The following LRIG1 variants were observed in gnomAD, a reference collection of about 807,000 sequenced individuals.
LRIG1 encodes the protein leucine rich repeats and immunoglobulin like domains 1, also known as leucine-rich repeats and immunoglobulin-like domains protein 1.
In LRIG1, 48 loss-of-function variants were observed where a neutral mutation model predicts 99.2. The observed-to-expected ratio is 0.48, with a 90% CI of 0.38 to 0.62. LRIG1 has a LOEUF of 0.62. LRIG1 is among the 20% of genes least tolerant of loss of function. The probability of loss-of-function intolerance (pLI) is 0.00; values close to 1 mark genes in which losing one functional copy is unlikely to be tolerated. For synonymous variants in LRIG1, 772 were observed against 596.1 expected, an observed-to-expected ratio of 1.29 and a Z score of -4.30; for missense variants, 1,646 against 1,434.4, an observed-to-expected ratio of 1.15 and a Z score of -2.38.
At chr3:66,429,222 T>G (rs144895191) in intron 3 of LRIG1, among the ~76,000 whole-genome samples, 1 of 152,144 alleles carries the variant, frequency 6.6e-6, no homozygotes, top group Non-Finnish European at 1.5e-5. Context: ...GCAGATCCCA[T>G]TTGGTTCTCC....
At chr3:66,488,228 A>AT (rs1701017863) in intron 1 of LRIG1, among the ~76,000 whole-genome samples, 4 of 152,118 alleles carry the variant, frequency 2.6e-5, no homozygotes, top group Admixed American at 2.0e-4. Context: ...AATTTTCAAG[A>AT]TTTTCAAAAA....
intron 4 of LRIG1, among the ~76,000 whole-genome samples, chr3:66,415,714 C>T (rs528349206): frequency 6.6e-6 from 1 of 152,324 alleles, no homozygotes; most frequent in East Asian, 1.9e-4. Context: ...AAAAGGCAGA[C>T]ACCGCTTCTC....
chr3:66,478,595 C>T (rs985515494), intron 1 of LRIG1, among the ~76,000 whole-genome samples: 4 of 152,174 alleles, frequency 2.6e-5, no homozygotes, highest in African/African-American at 9.7e-5. Context: ...AATGCAGATT[C>T]CCAGGCCCTG....
intron 7 of LRIG1, among the ~76,000 whole-genome samples, chr3:66,408,278 C>A (rs1702347785): frequency 6.6e-6 from 1 of 152,188 alleles, no homozygotes; most frequent in Non-Finnish European, 1.5e-5. Context: ...AGCATTCTTT[C>A]CCTCCTGGAC....
intron 3 of LRIG1, among the ~76,000 whole-genome samples, chr3:66,446,057 T>G (rs1703706600): frequency 6.6e-6 from 1 of 152,208 alleles, no homozygotes; most frequent in South Asian, 2.1e-4. Context: ...TTAATTACAC[T>G]TTAATGCGAA....
chr3:66,461,144 C>T (rs892242825), intron 2 of LRIG1, among the ~76,000 whole-genome samples: 3 of 152,050 alleles, frequency 2.0e-5, no homozygotes, highest in Non-Finnish European at 2.9e-5. Context: ...AACACCATCT[C>T]TACTAAAAAA....
intron 11 of LRIG1, among the ~76,000 whole-genome samples, chr3:66,397,022 G>A (rs1344129540): frequency 2.6e-5 from 4 of 152,192 alleles, no homozygotes; most frequent in Non-Finnish European, 5.9e-5. Flanking sequence ...AAGAGGGAAG[G>A]CCCTGGGCAC....
At chr3:66,384,361 G>A in intron 13 of LRIG1, 89 bp from the exon 14 acceptor site, 1 of 1,366,234 alleles carries the variant, frequency 7.3e-7, no homozygotes, top group Non-Finnish European at 1.0e-6. Flanking sequence ...CTGTCACTGT[G>A]CCCAGTGCCA....
intron 7 of LRIG1, 25 bp from the exon 8 acceptor site, chr3:66,407,516 T>A (rs1575667264): frequency 6.2e-7 from 1 of 1,612,838 alleles, no homozygotes. Context: ...GGCAGCAATG[T>A]CACCATCTAG....
chr3:66,432,647 T>C (rs923066123), intron 3 of LRIG1, among the ~76,000 whole-genome samples: 32 of 152,132 alleles, frequency 2.1e-4, no homozygotes, highest in African/African-American at 7.7e-4. Context: ...CAGTAAGCAG[T>C]GCAGTTGGGA....
At chr3:66,456,430 A>T (rs1260942900) in intron 2 of LRIG1, among the ~76,000 whole-genome samples, 2 of 152,082 alleles carry the variant, frequency 1.3e-5, no homozygotes, top group Non-Finnish European at 1.5e-5. Context: ...AAAATTAGCC[A>T]GGAGTGGTTG....
In LRIG1 at chr3:66,500,927, G is replaced by A. The variant is rs1004610399; in HGVS notation, c.-520C>T. On this transcript the variant is annotated 5_prime_UTR_variant, in exon 1 of 19. Coordinates refer to ENST00000273261, the MANE Select transcript of LRIG1 (RefSeq NM_015541.3). ...CCTCGCTGTCCCCACGCCGCGGCCA[G>A]AGAGCGCGCGCGCGCGCGCAGCCTC... is the stretch of plus-strand genomic sequence containing the variant. 3 of 151,588 alleles carry A rather than the reference G, an allele frequency of 2.0e-5. No individual in the cohort carries two copies. Among genetic ancestry groups the A allele is most frequent in the African/African-American group, 4.9e-5 (2 of 41,124 alleles). 9.4% of individuals were successfully genotyped at this position (151,588 alleles called of 1,614,324 possible).
At chr3:66,384,813 T>G (rs866859680) in intron 13 of LRIG1, among the ~76,000 whole-genome samples, 3 of 152,172 alleles carry the variant, frequency 2.0e-5, no homozygotes, top group African/African-American at 7.2e-5. Flanking sequence ...CTTGCTAGCT[T>G]GCTCAGCCTA....
At chr3:66,449,660 C>G (rs965352888) in intron 3 of LRIG1, among the ~76,000 whole-genome samples, 9 of 152,240 alleles carry the variant, frequency 5.9e-5, no homozygotes, top group Non-Finnish European at 1.2e-4. Flanking sequence ...CACGCTCCTG[C>G]CCCGAGTGCA....
At chr3:66,410,084 C>A in intron 7 of LRIG1, 45 bp downstream of exon 7, 1 of 1,567,252 alleles carries the variant, frequency 6.4e-7, no homozygotes, top group South Asian at 1.2e-5. Flanking sequence ...CACCTCCAAG[C>A]AGTGTCTAAA....
upstream of LRIG1, chr3:66,501,080 C>G (rs964160052): frequency 1.3e-5 from 2 of 152,050 alleles, no homozygotes; most frequent in Admixed American, 1.3e-4. Context: ...CCCGGCCGCT[C>G]GCCCGCACAC....
Position 66,399,046 on chromosome 3 carries a change from A to G in LRIG1, c.1161-5T>C, listed in dbSNP as rs1216401539. 6.2e-7 allele frequency: 1 copy of G among 1,613,224 alleles called. No individual in the cohort carries two copies. Among genetic ancestry groups the G allele is most frequent in the African/African-American group, 1.3e-5 (1 of 74,922 alleles). The stretch of plus-strand genomic sequence containing the variant: ...ATCTTGTTTCCAAACAGAGTCCTGT[A>G]GTTTCCAAACATCCAGAAATTAAGG... On this transcript the variant is annotated splice_region_variant and splice_polypyrimidine_tract_variant and intron_variant, in intron 9 of 18. Coordinates refer to ENST00000273261, the MANE Select transcript of LRIG1 (RefSeq NM_015541.3).
At position 66,382,984 on chromosome 3, in the gene LRIG1, G is replaced by T. The variant is rs1701171175; in HGVS notation, c.2489C>A (p.Thr830Lys). Residue 830 changes from threonine to lysine, a missense_variant and splice_region_variant, in exon 15 of 19, where the codon ACA (threonine) becomes AAA (lysine). By Grantham distance (78) the Thr-to-Lys change is moderately conservative. Coordinates refer to ENST00000273261, the MANE Select transcript of LRIG1 (RefSeq NM_015541.3). ...CAGCTCCGCTGGCAGGGCCTGACCTGTGTTGGTGACACTGTACTCTTCACT... is the reference window on the plus strand; with the variant it reads ...CAGCTCCGCTGGCAGGGCCTGACCTTTGTTGGTGACACTGTACTCTTCACT... ...KKSEEYSVTN[T>K]DETVVPPDVP... 1 of 1,604,004 alleles carries T rather than the reference G, an allele frequency of 6.2e-7. No individual in the cohort carries two copies. Among genetic ancestry groups the T allele is most frequent in the Non-Finnish European group, 8.5e-7 (1 of 1,172,518 alleles).
intron 1 of LRIG1, among the ~76,000 whole-genome samples, chr3:66,470,106 A>T (rs991423490): frequency 2.6e-5 from 4 of 152,210 alleles, no homozygotes; most frequent in African/African-American, 9.7e-5. Context: ...CTAAAGTTTC[A>T]GCTTTTCTTG....
Sources: gnomAD v4.1 joint callset for allele counts (sites outside exome capture counted in the v4.1 genomes callset) on GRCh38, gnomAD v4.1.1 for gene constraint, MANE v1.5 for transcripts, NCBI Gene and HGNC (gene_info 2026-07-23, HGNC 2026-07-21) for gene names.